CHST10: variants seen among roughly 807,000 people sequenced by gnomAD.
The protein encoded by CHST10 is HNK-1 sulfotransferase.
CHST10 carries 24 observed loss-of-function variants against 34.7 expected under a neutral mutation model. That is an observed-to-expected ratio of 0.69 (90% CI 0.50 to 0.97). The LOEUF (loss-of-function observed/expected upper bound fraction) is 0.97, where lower values mean the gene tolerates loss of function less well. CHST10 is among the 50% of genes least tolerant of loss of function. The pLI is 0.00. For synonymous variants in CHST10, 161 were observed against 169.3 expected (o/e 0.95, Z 0.38); for missense variants, 402 against 452.1 (o/e 0.89, Z 1.00).
At chr2:100,401,777 T>C (rs1165867521) in intron 4 of CHST10, among the ~76,000 whole-genome samples, 4 of 152,202 alleles carry the variant, frequency 2.6e-5, no homozygotes, top group Non-Finnish European at 5.9e-5. Context: ...GTATGTTTTC[T>C]ATGTTTATTG....
At chr2:100,406,832 C>A in intron 2 of CHST10, 125 bp from the exon 3 acceptor site, 1 of 1,093,486 alleles carries the variant, frequency 9.1e-7, no homozygotes. Context: ...TTTTCCACTG[C>A]TACAATAGGT....
At chr2:100,395,710 T>G in intron 5 of CHST10, 96 bp from the exon 6 acceptor site, 7 of 895,012 alleles carry the variant, frequency 7.8e-6, no homozygotes, top group Admixed American at 2.0e-5. Flanking sequence ...GGGCCTCATG[T>G]TCCCCACGTG....
intron 2 of CHST10, among the ~76,000 whole-genome samples, chr2:100,406,984 T>C (rs1675607166): frequency 6.6e-6 from 1 of 152,180 alleles, no homozygotes; most frequent in Admixed American, 6.5e-5. Context: ...GAACACAGAA[T>C]AAGACTCCTT....
At chr2:100,399,369 T>C (rs1675231376) in intron 4 of CHST10, among the ~76,000 whole-genome samples, 1 of 152,208 alleles carries the variant, frequency 6.6e-6, no homozygotes, top group Non-Finnish European at 1.5e-5. Context: ...CCTCCCAAAG[T>C]GCTGGGATTA....
Position 100,397,937 on chromosome 2 carries a change from T to G in CHST10, c.398A>C (p.Gln133Pro), listed in dbSNP as rs772377348. The G allele has an allele frequency of 3.1e-6, 5 of 1,613,920 alleles. No individual in the cohort carries two copies. The highest frequency in any genetic ancestry group is 4.2e-6 in the Non-Finnish European group (5 of 1,179,892). Residue 133 changes from glutamine to proline, a missense_variant, in exon 5 of 7, where the codon CAG (glutamine) becomes CCG (proline). Coordinates refer to ENST00000264249, the MANE Select transcript of CHST10 (RefSeq NM_004854.5). The stretch of plus-strand genomic sequence containing the variant: ...TAGAACAATCAGCACTTTCTTCCAC[T>G]GGGTGTTGCCCACTTTGGGAGTCTG... ...FCQTPKVGNT[Q>P]WKKVLIVLNG...
chr2:100,400,128 CCAA>C (rs1485295044), intron 4 of CHST10, among the ~76,000 whole-genome samples: 1 of 152,218 alleles, frequency 6.6e-6, no homozygotes, highest in Non-Finnish European at 1.5e-5. Context: ...AGAGCACCTC[CCAA>C]CAAGTTCCCT....
Position 100,409,584 on chromosome 2 carries a change from C to T in CHST10, c.-32-2877G>A, listed in dbSNP as rs533699427. Among the ~76,000 whole-genome samples, 12 of 152,142 alleles carry T rather than the reference C, an allele frequency of 7.9e-5. No homozygotes were observed. The South Asian group carries it at 1.7e-3, about 21-fold the overall frequency. On this transcript the variant is annotated intron_variant, in intron 2 of 6. Coordinates refer to ENST00000264249, the MANE Select transcript of CHST10 (RefSeq NM_004854.5). ...GGGTCAGGGACTGGTCTGCACTCACCGTCTCCGTAGCTAGTCTTTCACCCG... is the reference window on the plus strand; with the variant it reads ...GGGTCAGGGACTGGTCTGCACTCACTGTCTCCGTAGCTAGTCTTTCACCCG...
At position 100,393,254 on chromosome 2, in the gene CHST10, CA is replaced by C; in HGVS notation, c.1061del (p.Leu354CysfsTer2). 6.2e-7 allele frequency: 1 copy of C among 1,614,000 alleles called. No homozygotes were observed. Among genetic ancestry groups the C allele is most frequent in the Non-Finnish European group, 8.5e-7 (1 of 1,179,982 alleles). On this transcript the variant is annotated frameshift_variant, in exon 7 of 7. Coordinates refer to ENST00000264249, the MANE Select transcript of CHST10 (RefSeq NM_004854.5). LOFTEE classifies it high-confidence loss of function. ...KLFGYQKPDF[L>X]LN ...TCATAGGTCTTATGCATTAGTTTAG[CA>C]AAAAGTCTGGTTTCTGGTACCCAAA...
rs919293059 is a variant in CHST10, at chr2:100,392,601, T to G, written c.*644A>C. ...AGCATGGACCAGCATTACACAGGCA[T>G]GGATTCTGGAAAGATGGACCCCTGG... is the stretch of plus-strand genomic sequence containing the variant. On this transcript the variant is annotated 3_prime_UTR_variant, in exon 7 of 7. Transcript: ENST00000264249. 6.4e-6 allele frequency: 1 copy of G among 155,064 alleles called. No individual in the cohort carries two copies. The highest frequency in any genetic ancestry group is 1.4e-5 in the Non-Finnish European group (1 of 69,900). 9.6% of individuals were successfully genotyped at this position (155,064 alleles called of 1,614,324 possible).
At chr2:100,395,787 G>C (rs1675031387) in intron 5 of CHST10, among the ~76,000 whole-genome samples, 173 bp from the exon 6 acceptor site, 2 of 152,158 alleles carry the variant, frequency 1.3e-5, no homozygotes. Context: ...CTGCCAGCAG[G>C]ATGAACGAGT....
intron 4 of CHST10, among the ~76,000 whole-genome samples, chr2:100,400,634 A>G (rs1400861347): frequency 6.6e-6 from 1 of 152,238 alleles, no homozygotes; most frequent in South Asian, 2.1e-4. Context: ...AAAGACAAAT[A>G]TTATTTTCTA....
intron 3 of CHST10, among the ~76,000 whole-genome samples, chr2:100,404,588 A>G (rs1054737636): frequency 6.6e-6 from 1 of 152,084 alleles, no homozygotes; most frequent in Admixed American, 6.5e-5. Context: ...ACCCCTGCTT[A>G]GCTTCCAGGA....
In CHST10 at chr2:100,399,476, TG is replaced by T. The variant is rs1159537976; in HGVS notation, c.193-1335del. Reference sequence around the variant, plus strand: ...AGATGATCCTTCCAAATAATTGTATTGAATGGACCCAAATATCCTTGTTATA... The same window carrying T: ...AGATGATCCTTCCAAATAATTGTATTAATGGACCCAAATATCCTTGTTATA... On this transcript the variant is annotated intron_variant, in intron 4 of 6. Coordinates refer to ENST00000264249, the MANE Select transcript of CHST10 (RefSeq NM_004854.5). 2.0e-5 allele frequency among the ~76,000 whole-genome samples: 3 copies of T among 152,246 alleles called. No individual in the cohort carries two copies. The East Asian group carries it at 5.8e-4, about 29-fold the overall frequency.
intron 3 of CHST10, 110 bp downstream of exon 3, chr2:100,406,466 A>T: frequency 7.2e-7 from 1 of 1,389,792 alleles, no homozygotes; most frequent in South Asian, 1.3e-5. Flanking sequence ...CCCTGCTGGC[A>T]TGAAAGTCCT....
intron 2 of CHST10, chr2:100,407,569 C>T (rs1178575244): frequency 6.6e-6 from 1 of 152,278 alleles, no homozygotes; most frequent in African/African-American, 2.4e-5. Context: ...GAAGTGGTCC[C>T]CTCAACACAG....
chr2:100,405,504 C>T (rs1008080382), intron 3 of CHST10, among the ~76,000 whole-genome samples: 4 of 152,064 alleles, frequency 2.6e-5, no homozygotes, highest in African/African-American at 7.2e-5. Context: ...AGGTGTAGGA[C>T]ATCGGGCAGT....
chr2:100,395,570 C>A lies in CHST10; in HGVS notation c.472G>T (p.Asp158Tyr). 6.2e-7 allele frequency: 1 copy of A among 1,614,046 alleles called. No homozygotes were observed. Reference sequence around the variant, plus strand: ...CGAGGAAGGCCGTTCTTCTCGTGGTCGTGCACCACGTTTTCGGGGATCTCC... The same window carrying A: ...CGAGGAAGGCCGTTCTTCTCGTGGTAGTGCACCACGTTTTCGGGGATCTCC... ...IEEIPENVVH[D>Y]HEKNGLPRLS... is the part of the protein sequence containing the mutation. The change falls in exon 6 of 7, where the codon GAC (aspartate) becomes TAC (tyrosine). Residue 158 changes from aspartate to tyrosine, a missense_variant. Transcript: ENST00000264249.
At chr2:100,416,930 G>A in intron 1 of CHST10, 1 of 1,297,072 alleles carries the variant, frequency 7.7e-7, no homozygotes, top group Non-Finnish European at 1.0e-6. Context: ...AGAGGCTCAG[G>A]GCACCCCGGG....
rs1037926325 is a variant in CHST10, at chr2:100,392,064, T to C, written c.*1181A>G. The C allele has an allele frequency of 6.6e-6, 1 of 152,646 alleles. No individual in the cohort carries two copies. The highest frequency in any genetic ancestry group is 1.5e-5 in the Non-Finnish European group (1 of 68,104). 9.5% of individuals were successfully genotyped at this position (152,646 alleles called of 1,614,324 possible). Reference sequence around the variant, plus strand: ...TCCTGGCTGTGGACGGTATCTGAAATGGTCGCTGCGGCTTGCCCTGCACCA... The same window carrying C: ...TCCTGGCTGTGGACGGTATCTGAAACGGTCGCTGCGGCTTGCCCTGCACCA... On this transcript the variant is annotated 3_prime_UTR_variant, in exon 7 of 7. Transcript: ENST00000264249.
Sources: allele counts gnomAD v4.1 joint callset (sites outside exome capture counted in the v4.1 genomes callset), GRCh38; gene constraint gnomAD v4.1.1; transcripts MANE v1.5; gene names NCBI Gene and HGNC (gene_info 2026-07-23, HGNC 2026-07-21).